The following SETX variants were observed in gnomAD, a reference collection of about 807,000 sequenced individuals.
SETX encodes the protein senataxin.
SETX carries 90 observed loss-of-function variants against 227.2 expected under a neutral mutation model. The observed-to-expected ratio is 0.40, with a 90% CI of 0.33 to 0.47. The LOEUF (loss-of-function observed/expected upper bound fraction) is 0.47. Among genes scored for constraint, SETX ranks in the 20% least tolerant of loss-of-function variants. SETX has a pLI of 0.91. For missense variants in SETX, 3,052 were observed against 3,181.5 expected (o/e 0.96, Z 0.98); for synonymous variants, 1,210 against 1,113.2 (o/e 1.09, Z -1.73).
chr9:132,328,830 C>T lies in SETX; in HGVS notation c.2768G>A (p.Arg923Lys). ...FKDLMTVPES[R>K]DEEMSNSTSV... ...GGTACTATTACTCATCTCCTCATCT[C>T]TTGATTCAGGTACAGTCATAAGATC... The change falls in exon 10 of 26, where the codon AGA (arginine) becomes AAA (lysine). Residue 923 changes from arginine to lysine, a missense_variant. Coordinates refer to ENST00000224140, the MANE Select transcript of SETX (RefSeq NM_015046.7). 1 of 1,613,222 alleles carries T rather than the reference C, an allele frequency of 6.2e-7. No homozygotes were observed. Among genetic ancestry groups the T allele is most frequent in the Non-Finnish European group, 8.5e-7 (1 of 1,179,712 alleles).
intron 11 of SETX, 69 bp downstream of exon 11, chr9:132,311,688 T>C (rs1845668393): frequency 8.9e-7 from 1 of 1,125,868 alleles, no homozygotes; most frequent in Admixed American, 1.9e-5. Flanking sequence ...CAAATAATGC[T>C]ATCTCCTCTT....
rs559317542 is a variant in SETX, at chr9:132,344,853, C to T, written c.388+1408G>A. Among the ~76,000 whole-genome samples, 882 of 123,982 alleles carry T rather than the reference C, an allele frequency of 7.1e-3. 7 individuals are homozygous for T. Among genetic ancestry groups the T allele is most frequent in the African/African-American group, 0.026 (816 of 31,876 alleles). The allele number at this position is 123,982 out of a possible 152,430, so 81.3% of individuals were successfully genotyped here. ...TCCTGCCACTGCACTCCAGCCTGGG[C>T]GACAGTGAGACTCTTTAAAAAAAAA... On this transcript the variant is annotated intron_variant, in intron 4 of 25. Transcript: ENST00000224140.
intron 10 of SETX, among the ~76,000 whole-genome samples, chr9:132,315,232 T>C (rs1845901743): frequency 1.3e-5 from 2 of 152,272 alleles, no homozygotes; most frequent in South Asian, 4.1e-4. Context: ...ATTACATTAT[T>C]AAAACAACAG....
intron 21 of SETX, among the ~76,000 whole-genome samples, chr9:132,277,634 A>C (rs1184451215): frequency 1.3e-5 from 2 of 151,864 alleles, no homozygotes; most frequent in Non-Finnish European, 2.9e-5. Context: ...AAATACAAAA[A>C]TTAGCCAGGC....
Position 132,329,296 on chromosome 9 carries a change from T to C in SETX, c.2302A>G (p.Lys768Glu). ...VSTSNEDFSLKDDALAKTSKR... is the reference protein window; with the variant it reads ...VSTSNEDFSLEDDALAKTSKR... ...GAGGTTTTAGCAAGAGCATCATCCT[T>C]TAAAGAGAAATCTTCATTCGATGTG... The change falls in exon 10 of 26, where the codon AAG becomes GAG. Residue 768 changes from lysine (K) to glutamate (E), a missense_variant. Lys to Glu is a moderately conservative substitution (Grantham distance 56). This residue lies in a region of SETX where 1,483 missense variants were observed against 1,312.0 expected (regional missense o/e 1.13). Coordinates refer to ENST00000224140, the MANE Select transcript of SETX (RefSeq NM_015046.7). The C allele has an allele frequency of 1.2e-6, 2 of 1,613,842 alleles. No individual in the cohort carries two copies. The highest frequency in any genetic ancestry group is 1.7e-6 in the Non-Finnish European group (2 of 1,179,886).
intron 3 of SETX, among the ~76,000 whole-genome samples, chr9:132,347,282 C>T (rs1437141022): frequency 6.6e-6 from 1 of 151,600 alleles, no homozygotes; most frequent in Non-Finnish European, 1.5e-5. Context: ...CGAAAAAAAA[C>T]AAGAAAACAA....
At chr9:132,290,574 C>CAA (rs59954158) in intron 15 of SETX, among the ~76,000 whole-genome samples, 4,221 of 44,612 alleles carry the variant, frequency 0.095, 456 homozygotes, top group East Asian at 0.23. Flanking sequence ...GACTCCGTCT[C>CAA]AAAAAAAAAA....
chr9:132,275,071 G>GTAACC, intron 23 of SETX, 185 bp downstream of exon 23: 1 of 616,144 alleles, frequency 1.6e-6, no homozygotes, highest in Non-Finnish European at 2.9e-6. Flanking sequence ...CTGCCAGGAA[G>GTAACC]TAACCTGTCT....
At chr9:132,333,647 T>C (rs1847410440) in intron 7 of SETX, among the ~76,000 whole-genome samples, 1 of 152,044 alleles carries the variant, frequency 6.6e-6, no homozygotes, top group East Asian at 1.9e-4. Flanking sequence ...AGCACTTATT[T>C]AATTACAGAT....
At chr9:132,335,724 T>C (rs1847572867) in intron 6 of SETX, among the ~76,000 whole-genome samples, 1 of 152,198 alleles carries the variant, frequency 6.6e-6, no homozygotes, top group Non-Finnish European at 1.5e-5. Context: ...ACTAATATTT[T>C]GTTAATAAAA....
intron 11 of SETX, among the ~76,000 whole-genome samples, chr9:132,308,369 G>A (rs540477256): frequency 2.6e-4 from 40 of 151,846 alleles, no homozygotes; most frequent in African/African-American, 9.4e-4. Flanking sequence ...ACCACCAAGG[G>A]GATGCAATAT....
In SETX at chr9:132,262,459, T is replaced by G. The variant is rs1190676800; in HGVS notation, c.*1780A>C. 2.0e-5 allele frequency: 3 copies of G among 152,166 alleles called. No homozygotes were observed. Among genetic ancestry groups the G allele is most frequent in the Admixed American group, 1.3e-4 (2 of 15,276 alleles). The allele number at this position is 152,166 out of a possible 1,614,324, so 9.4% of individuals were successfully genotyped here. ...AACGAGATTTCTTCCCAAAGGCACATGGAAGAAGCTGATAGAGCCCTTGAC... is the reference window on the plus strand; with the variant it reads ...AACGAGATTTCTTCCCAAAGGCACAGGGAAGAAGCTGATAGAGCCCTTGAC... On this transcript the variant is annotated 3_prime_UTR_variant, in exon 26 of 26. Transcript: ENST00000224140.
intron 23 of SETX, among the ~76,000 whole-genome samples, chr9:132,273,818 AACCTCTAGT>A (rs1259602306): frequency 6.6e-6 from 1 of 152,162 alleles, no homozygotes; most frequent in African/African-American, 2.4e-5. Flanking sequence ...CTCTGGCTAA[AACCTCTAGT>A]ACAATGTTGA....
chr9:132,267,505 C>A (rs1842703313), intron 25 of SETX, among the ~76,000 whole-genome samples: 1 of 152,200 alleles, frequency 6.6e-6, no homozygotes, highest in African/African-American at 2.4e-5. Context: ...GATCCCATTC[C>A]CATAAGGGGA....
Position 132,336,435 on chromosome 9 carries a change from T to C in SETX, c.579A>G (p.Leu193=), listed in dbSNP as rs765652271. The C allele has an allele frequency of 3.1e-6, 5 of 1,613,986 alleles. No individual in the cohort carries two copies. The highest frequency in any genetic ancestry group is 4.2e-6 in the Non-Finnish European group (5 of 1,179,986). The change falls in exon 6 of 26, where the codon TTA becomes TTG. Residue 193 remains leucine, a synonymous_variant. Transcript: ENST00000224140. ...RDDYYDLQEV[L]LCLFKVIELG... ...ACTCAATGACTTTAAAAAGGCAAAG[T>C]AAAACTTCTTGTAAGTCATAATAAT...
chr9:132,342,720 G>C lies in SETX; in HGVS notation c.468C>G (p.Ile156Met). ...CATTGGGATGGACTAAAAACAAATAGATCCCTGGATGTTTATCAAACACCT... is the reference window on the plus strand; with the variant it reads ...CATTGGGATGGACTAAAAACAAATACATCCCTGGATGTTTATCAAACACCT... ...SFQVFDKHPGIYLFLVHPNEM... is the reference protein window; with the variant it reads ...SFQVFDKHPGMYLFLVHPNEM... Residue 156 changes from isoleucine (I) to methionine (M), a missense_variant, in exon 5 of 26, where the codon ATC becomes ATG. Around this residue, in one of 10 missense-constraint regions of SETX, gnomAD observed 239 missense variants for 240.8 expected, o/e 0.99. Coordinates refer to ENST00000224140, the MANE Select transcript of SETX (RefSeq NM_015046.7). The C allele has an allele frequency of 6.2e-7, 1 of 1,613,734 alleles. No individual in the cohort carries two copies. The highest frequency in any genetic ancestry group is 8.5e-7 in the Non-Finnish European group (1 of 1,179,778).
At chr9:132,280,565 GA>G (rs1362536592) in intron 20 of SETX, among the ~76,000 whole-genome samples, 4 of 152,132 alleles carry the variant, frequency 2.6e-5, no homozygotes, top group Admixed American at 2.0e-4. Context: ...GTCATACAAA[GA>G]ACTGCACTAT....
intron 11 of SETX, among the ~76,000 whole-genome samples, chr9:132,307,272 A>G (rs982528291): frequency 1.3e-5 from 2 of 152,078 alleles, no homozygotes; most frequent in Middle Eastern, 3.2e-3. Flanking sequence ...AATAATAATA[A>G]TAACAACAAT....
At chr9:132,282,712 C>T (rs950338978) in intron 19 of SETX, 2 of 161,778 alleles carry the variant, frequency 1.2e-5, no homozygotes, top group African/African-American at 4.8e-5. Context: ...TCAAATTTCT[C>T]TTAAATTCAA....
Sources: allele counts gnomAD v4.1 joint callset (sites outside exome capture counted in the v4.1 genomes callset), GRCh38; gene constraint gnomAD v4.1.1; regional missense constraint gnomAD v4.1.1; transcripts MANE v1.5; gene names NCBI Gene and HGNC (gene_info 2026-07-23, HGNC 2026-07-21).